Variants in TRPM6 observed in about 807,000 individuals in gnomAD.
TRPM6 encodes the protein channel kinase 2.
Under a neutral mutation model 247.6 loss-of-function variants are expected in TRPM6, and 111 were observed. That is an observed-to-expected ratio of 0.45 (90% CI 0.38 to 0.52). The LOEUF is 0.52. Among genes scored for constraint, TRPM6 ranks in the 20% least tolerant of loss-of-function variants. The pLI, the probability that TRPM6 is intolerant of heterozygous loss-of-function variation, is 0.00. For missense variants in TRPM6, 2,126 were observed against 2,421.5 expected (o/e 0.88, Z 2.56); for synonymous variants, 892 against 853.8 (o/e 1.04, Z -0.78).
At chr9:74,837,737 C>T (rs914131756) in intron 5 of TRPM6, among the ~76,000 whole-genome samples, 12 of 139,388 alleles carry the variant, frequency 8.6e-5, no homozygotes, top group African/African-American at 2.4e-4. Flanking sequence ...TGAGCCACCA[C>T]GCCCGGCCCC....
At chr9:74,838,582 A>G (rs1829804577) in intron 5 of TRPM6, among the ~76,000 whole-genome samples, 2 of 152,224 alleles carry the variant, frequency 1.3e-5, no homozygotes, top group African/African-American at 4.8e-5. Flanking sequence ...GAGCTAACAC[A>G]CTGACTCATC....
chr9:74,880,121 G>A (rs1293175064), intron 1 of TRPM6, among the ~76,000 whole-genome samples: 1 of 151,772 alleles, frequency 6.6e-6, no homozygotes, highest in Non-Finnish European at 1.5e-5. Flanking sequence ...TAAAAGTAGA[G>A]GAGAAATGAG....
At chr9:74,881,111 G>A (rs561412045) in intron 1 of TRPM6, among the ~76,000 whole-genome samples, 8 of 151,916 alleles carry the variant, frequency 5.3e-5, no homozygotes, top group South Asian at 2.1e-4. Flanking sequence ...CCTGGTCAAC[G>A]TAGCGAGATC....
At chr9:74,783,935 A>G (rs1045806469) in intron 21 of TRPM6, among the ~76,000 whole-genome samples, 1 of 152,128 alleles carries the variant, frequency 6.6e-6, no homozygotes, top group Non-Finnish European at 1.5e-5. Context: ...ATTAAAGCGT[A>G]GGTCTTAGGT....
intron 15 of TRPM6, among the ~76,000 whole-genome samples, chr9:74,802,597 A>C (rs927324771): frequency 2.0e-5 from 3 of 152,206 alleles, no homozygotes; most frequent in Non-Finnish European, 4.4e-5. Flanking sequence ...TTTCTCAAGG[A>C]AATGGGTCGA....
intron 35 of TRPM6, among the ~76,000 whole-genome samples, chr9:74,739,033 G>C (rs1825778083): frequency 6.6e-6 from 1 of 152,196 alleles, no homozygotes; most frequent in Non-Finnish European, 1.5e-5. Flanking sequence ...ATTGGGGGAA[G>C]AGACCATGCT....
rs772705797 is a variant in TRPM6 at position 74,739,736 on chromosome 9, T to A, written c.5474A>T (p.His1825Leu). 1 of 1,612,734 alleles carries A rather than the reference T, an allele frequency of 6.2e-7. No homozygotes were observed. The highest frequency in any genetic ancestry group is 1.3e-5 in the African/African-American group (1 of 74,908). Residue 1825 changes from histidine to leucine, a missense_variant, in exon 34 of 39, where the codon CAT becomes CTT. Physicochemically the swap from His to Leu is moderately conservative, Grantham distance 99. Around this residue, in one of 3 missense-constraint regions of TRPM6, gnomAD observed 327 missense variants for 397.7 expected, o/e 0.82. Transcript: ENST00000360774. Reference protein sequence around the residue: ...HKIFQESTVLHLCLREIQQQR... With the variant: ...HKIFQESTVLLLCLREIQQQR... ...TTTCAGACTTACCCTGAGGCAAAGA[T>A]GAAGCACAGTGCTCTCCTGGAAGAT...
chr9:74,781,179 T>C (rs532697150), intron 23 of TRPM6, among the ~76,000 whole-genome samples: 1 of 151,682 alleles, frequency 6.6e-6, no homozygotes, highest in Non-Finnish European at 1.5e-5. Flanking sequence ...CATTCCAATG[T>C]TAAAAGGTTG....
intron 6 of TRPM6, among the ~76,000 whole-genome samples, chr9:74,831,658 ACACTC>A (rs1564035111): frequency 6.6e-6 from 1 of 152,184 alleles, no homozygotes; most frequent in Non-Finnish European, 1.5e-5. Flanking sequence ...CATCTTGAAA[ACACTC>A]CACCGGCCAA....
chr9:74,860,740 G>A (rs1830669377), intron 1 of TRPM6, among the ~76,000 whole-genome samples: 1 of 152,192 alleles, frequency 6.6e-6, no homozygotes, highest in Non-Finnish European at 1.5e-5. Context: ...CAATCCGGCT[G>A]AGCGCAGTGG....
intron 36 of TRPM6, among the ~76,000 whole-genome samples, chr9:74,735,830 G>A (rs1825677879): frequency 6.6e-6 from 1 of 152,170 alleles, no homozygotes; most frequent in Non-Finnish European, 1.5e-5. Context: ...CTGACCTGGT[G>A]TGGCAGCTTC....
intron 3 of TRPM6, among the ~76,000 whole-genome samples, chr9:74,852,099 G>A (rs1295429040): frequency 2.6e-5 from 4 of 151,988 alleles, no homozygotes; most frequent in South Asian, 2.1e-4. Flanking sequence ...CTGTACCACC[G>A]CACTTCAGCC....
chr9:74,855,033 C>G (rs1193850112), intron 3 of TRPM6, among the ~76,000 whole-genome samples: 2 of 152,166 alleles, frequency 1.3e-5, no homozygotes, highest in Non-Finnish European at 2.9e-5. Context: ...ATTATATAAA[C>G]TTCAGGCTAT....
At chr9:74,816,818 G>T (rs190211464) in intron 10 of TRPM6, 49 bp from the exon 11 acceptor site, 7 of 1,609,080 alleles carry the variant, frequency 4.4e-6, no homozygotes, top group Non-Finnish European at 6.0e-6. Flanking sequence ...AGATATCTAC[G>T]CAAGAAGCAC....
intron 3 of TRPM6, among the ~76,000 whole-genome samples, chr9:74,854,337 A>T (rs193135571): frequency 6.6e-6 from 1 of 152,304 alleles, no homozygotes; most frequent in Admixed American, 6.5e-5. Flanking sequence ...GTTTCTAAAG[A>T]ATATAGTAGA....
chr9:74,808,193 A>C lies in TRPM6; in HGVS notation c.1498-19T>G, dbSNP rs1349813565. ...GGGTATGCTGCAACAAAAACATGCA[A>C]CGACTTTTAACTTTTAGTTATCTTC... On this transcript the variant is annotated intron_variant, in intron 13 of 38. Transcript: ENST00000360774. The C allele has an allele frequency of 1.2e-6, 2 of 1,613,766 alleles. No homozygotes were observed. The highest frequency in any genetic ancestry group is 1.3e-5 in the African/African-American group (1 of 75,020).
At chr9:74,768,634 C>A (rs764837279) in intron 25 of TRPM6, among the ~76,000 whole-genome samples, 1 of 152,266 alleles carries the variant, frequency 6.6e-6, no homozygotes, top group South Asian at 2.1e-4. Flanking sequence ...AGCTCCACAT[C>A]TGATCCTTAA....
At chr9:74,874,264 T>G in intron 1 of TRPM6, among the ~76,000 whole-genome samples, 1 of 151,478 alleles carries the variant, frequency 6.6e-6, no homozygotes, top group Non-Finnish European at 1.5e-5. Flanking sequence ...AAAACAAGAA[T>G]TAGAGTTGTC....
chr9:74,853,246 T>A (rs1830413210), intron 3 of TRPM6, among the ~76,000 whole-genome samples: 1 of 146,694 alleles, frequency 6.8e-6, no homozygotes, highest in Non-Finnish European at 1.5e-5. Flanking sequence ...GAGGAGCCCC[T>A]CCGCCCGGCA....
Sources: gnomAD v4.1 joint callset for allele counts (sites outside exome capture counted in the v4.1 genomes callset) on GRCh38, gnomAD v4.1.1 for gene constraint, gnomAD v4.1.1 regional missense constraint, MANE v1.5 for transcripts, NCBI Gene and HGNC (gene_info 2026-07-23, HGNC 2026-07-21) for gene names.